The following KIAA1217 variants were observed in gnomAD, a reference collection of about 807,000 sequenced individuals.
The protein encoded by KIAA1217 is KIAA1217.
KIAA1217 carries 88 observed loss-of-function variants against 163.9 expected under a neutral mutation model. That is an observed-to-expected ratio of 0.54 (90% CI 0.45 to 0.64). KIAA1217 has a LOEUF of 0.64. Among genes scored for constraint, KIAA1217 ranks in the 30% least tolerant of loss-of-function variants. The pLI is 0.00. For synonymous variants in KIAA1217, 903 were observed against 923.1 expected, an observed-to-expected ratio of 0.98 and a Z score of 0.39; for missense variants, 2,372 against 2,475.0, an observed-to-expected ratio of 0.96 and a Z score of 0.88.
chr10:24,239,495 C>CTTTT (rs34650424), intron 2 of KIAA1217, among the ~76,000 whole-genome samples: 114 of 134,744 alleles, frequency 8.5e-4, no homozygotes, highest in African/African-American at 2.5e-3. Context: ...TTTTTAAGGG[C>CTTTT]TTTTTTTTTT....
At chr10:24,308,127 C>G (rs922205656) in intron 2 of KIAA1217, among the ~76,000 whole-genome samples, 1 of 151,978 alleles carries the variant, frequency 6.6e-6, no homozygotes, top group Non-Finnish European at 1.5e-5. Flanking sequence ...ACCATGGTAC[C>G]CACTCTATTG....
chr10:24,063,359 G>C (rs1161089763), intron 2 of KIAA1217, among the ~76,000 whole-genome samples: 3 of 152,224 alleles, frequency 2.0e-5, no homozygotes, highest in East Asian at 3.9e-4. Context: ...TCTGCATATG[G>C]CTAGCCAGTT....
intron 2 of KIAA1217, among the ~76,000 whole-genome samples, chr10:24,065,893 G>A (rs961935665): frequency 6.6e-6 from 1 of 152,180 alleles, no homozygotes; most frequent in Non-Finnish European, 1.5e-5. Context: ...TTAACATTAT[G>A]TAATGGCCTT....
chr10:24,226,364 C>T (rs908889350), intron 2 of KIAA1217, among the ~76,000 whole-genome samples: 8 of 152,144 alleles, frequency 5.3e-5, no homozygotes, highest in African/African-American at 1.2e-4. Context: ...CGGTGGCTCA[C>T]GCCTGCAGTC....
Position 24,199,780 on chromosome 10 carries a change from C to T in KIAA1217, c.-170-19846C>T, listed in dbSNP as rs561626938. The stretch of plus-strand genomic sequence containing the variant: ...TTCTGTAAACTGACCACGTGAATGT[C>T]CTGATTTTCATAGATTATGACTGGC... On this transcript the variant is annotated intron_variant, in intron 2 of 18. Coordinates refer to the KIAA1217 transcript ENST00000376462. 2.6e-5 allele frequency among the ~76,000 whole-genome samples: 4 copies of T among 152,144 alleles called. No homozygotes were observed. The East Asian group carries it at 7.7e-4, about 29-fold the overall frequency.
At chr10:23,794,933 C>T (rs1018981839) in intron 1 of KIAA1217, among the ~76,000 whole-genome samples, 14 of 152,330 alleles carry the variant, frequency 9.2e-5, no homozygotes, top group Admixed American at 2.6e-4. Context: ...GATTACATTT[C>T]GCCTGACTCA....
chr10:24,386,935 G>T (rs1353660106), intron 3 of KIAA1217, among the ~76,000 whole-genome samples: 1 of 152,154 alleles, frequency 6.6e-6, no homozygotes, highest in African/African-American at 2.4e-5. Context: ...TAGAGTAAGT[G>T]AAACATTTAT....
chr10:24,169,557 A>G (rs995764898), intron 2 of KIAA1217, among the ~76,000 whole-genome samples: 12 of 152,332 alleles, frequency 7.9e-5, no homozygotes, highest in African/African-American at 2.9e-4. Flanking sequence ...ATAGTTATCC[A>G]ATAAATTAAA....
intron 5 of KIAA1217, among the ~76,000 whole-genome samples, chr10:24,467,265 T>C (rs1397097244): frequency 6.6e-6 from 1 of 152,218 alleles, no homozygotes; most frequent in Admixed American, 6.5e-5. Flanking sequence ...TTTTGATCCG[T>C]GTGCAGTCTG....
chr10:23,916,988 AG>A (rs1842659068), intron 1 of KIAA1217, among the ~76,000 whole-genome samples: 1 of 148,950 alleles, frequency 6.7e-6, no homozygotes, highest in South Asian at 2.1e-4. Flanking sequence ...AAAAAAAAAA[AG>A]GTTTGTCTTA....
chr10:24,520,683 C>A lies in KIAA1217; in HGVS notation c.2308+430C>A, dbSNP rs1301426114. 8.8e-3 allele frequency among the ~76,000 whole-genome samples: 867 copies of A among 98,554 alleles called. 34 individuals are homozygous for A. The highest frequency in any genetic ancestry group is 0.044 in the East Asian group (101 of 2,306). The allele number at this position is 98,554 out of a possible 152,430, so 64.7% of individuals were successfully genotyped here. A position where few individuals can be genotyped will look rare whatever the true frequency, so the allele number is the denominator to read the frequency against. On this transcript the variant is annotated intron_variant, in intron 11 of 20. Coordinates refer to ENST00000376454, the MANE Select transcript of KIAA1217 (RefSeq NM_019590.5). Reference sequence around the variant, plus strand: ...ATATATATATATATATATACACACACACACAAAAAAAAATTAGCCAGGTGT... The same window carrying A: ...ATATATATATATATATATACACACAAACACAAAAAAAAATTAGCCAGGTGT...
intron 2 of KIAA1217, among the ~76,000 whole-genome samples, chr10:24,174,958 A>G (rs1258881419): frequency 6.6e-6 from 1 of 151,860 alleles, no homozygotes; most frequent in African/African-American, 2.4e-5. Context: ...CCCGGGTTCA[A>G]CTGATTCTCT....
chr10:23,855,698 G>C (rs1839619330), intron 1 of KIAA1217, among the ~76,000 whole-genome samples: 1 of 152,090 alleles, frequency 6.6e-6, no homozygotes, highest in Admixed American at 6.5e-5. Flanking sequence ...TTTCTTGGAG[G>C]CTTTGTTTGT....
intron 2 of KIAA1217, among the ~76,000 whole-genome samples, chr10:24,066,432 G>A (rs1029744731): frequency 1.3e-5 from 2 of 152,120 alleles, no homozygotes; most frequent in East Asian, 1.9e-4. Flanking sequence ...GAAATTCTGG[G>A]TTGAAAATTC....
chr10:24,044,741 A>T (rs1032721884), intron 2 of KIAA1217, among the ~76,000 whole-genome samples: 1 of 152,122 alleles, frequency 6.6e-6, no homozygotes, highest in African/African-American at 2.4e-5. Flanking sequence ...AACTAATATG[A>T]CCTCATAAAT....
At chr10:23,999,477 C>T (rs1434194572) in intron 1 of KIAA1217, among the ~76,000 whole-genome samples, 3 of 152,154 alleles carry the variant, frequency 2.0e-5, no homozygotes, top group Admixed American at 6.5e-5. Context: ...TTCTACCCTT[C>T]GCGTCATCTT....
intron 1 of KIAA1217, among the ~76,000 whole-genome samples, chr10:23,906,381 A>G (rs1418995479): frequency 6.6e-6 from 1 of 152,126 alleles, no homozygotes; most frequent in Non-Finnish European, 1.5e-5. Flanking sequence ...TTCTTGGAAT[A>G]TCCAAATGTG....
At chr10:24,127,672 C>G (rs967633022) in intron 2 of KIAA1217, among the ~76,000 whole-genome samples, 7 of 152,190 alleles carry the variant, frequency 4.6e-5, no homozygotes, top group African/African-American at 1.2e-4. Context: ...GGACTCTATT[C>G]TCTGCTGTTA....
chr10:23,721,558 A>G (rs1273605102), intron 1 of KIAA1217, among the ~76,000 whole-genome samples: 1 of 152,064 alleles, frequency 6.6e-6, no homozygotes, highest in Non-Finnish European at 1.5e-5. Flanking sequence ...TCAAAGTGTA[A>G]GTAAACAAAT....
Sources: gnomAD v4.1 joint callset for allele counts (sites outside exome capture counted in the v4.1 genomes callset) on GRCh38, gnomAD v4.1.1 for gene constraint, MANE v1.5 for transcripts, NCBI Gene and HGNC (gene_info 2026-07-23, HGNC 2026-07-21) for gene names.